The following ZFP14 variants were observed in gnomAD, a reference collection of about 807,000 sequenced individuals.
The protein encoded by ZFP14 is zinc finger protein 14 homolog.
In ZFP14, 22 loss-of-function variants were observed where a neutral mutation model predicts 54.5. That is an observed-to-expected ratio of 0.40 (90% CI 0.29 to 0.58). The LOEUF (loss-of-function observed/expected upper bound fraction) is 0.58. Among genes scored for constraint, ZFP14 ranks in the 20% least tolerant of loss-of-function variants. The probability of loss-of-function intolerance (pLI) is 0.39; values close to 1 mark genes in which losing one functional copy is unlikely to be tolerated. For missense variants in ZFP14, 470 were observed against 637.8 expected, an observed-to-expected ratio of 0.74 and a Z score of 2.83; for synonymous variants, 159 against 204.0, an observed-to-expected ratio of 0.78 and a Z score of 1.88.
intron 4 of ZFP14, among the ~76,000 whole-genome samples, chr19:36,359,179 G>A (rs2031668753): frequency 6.6e-6 from 1 of 151,370 alleles, no homozygotes; most frequent in Non-Finnish European, 1.5e-5. Context: ...ATGATCATAC[G>A]GTCTTTCATT....
At chr19:36,363,989 C>CA (rs371565202) in intron 2 of ZFP14, among the ~76,000 whole-genome samples, 9,597 of 124,638 alleles carry the variant, frequency 0.077, 398 homozygotes, top group Non-Finnish European at 0.11. Context: ...GACTCGGTCT[C>CA]AAAAAAAAAA....
chr19:36,349,230 TCAAAAAAAAAAA>T lies in ZFP14; in HGVS notation c.236-7652_236-7641del, dbSNP rs1482856457. Among the ~76,000 whole-genome samples, 9 of 14,656 alleles carry T rather than the reference TCAAAAAAAAAAA, an allele frequency of 6.1e-4. 2 individuals carry two copies. Among genetic ancestry groups the T allele is most frequent in the African/African-American group, 2.7e-3 (9 of 3,302 alleles). 9.6% of individuals were successfully genotyped at this position (14,656 alleles called of 152,430 possible). A position where few individuals can be genotyped will look rare whatever the true frequency, so the allele number is the denominator to read the frequency against. On this transcript the variant is annotated intron_variant, in intron 4 of 4. Coordinates refer to ENST00000270001, the MANE Select transcript of ZFP14 (RefSeq NM_020917.3). ...TGGGCTATAAGAGGGGAACTCTGTC[TCAAAAAAAAAAA>T]CAAAAAAAAAAAAACAAAAAAAAAA...
At position 36,340,531 on chromosome 19, in the gene ZFP14, G is replaced by T; in HGVS notation, c.1295C>A (p.Ala432Asp). The T allele has an allele frequency of 6.2e-7, 1 of 1,614,126 alleles. No individual in the cohort carries two copies. ...AGTAAGTTGTGAGAGCAGTCTAAAGGCCTTTCCACACTCTTCACATTCATA... is the reference window on the plus strand; with the variant it reads ...AGTAAGTTGTGAGAGCAGTCTAAAGTCCTTTCCACACTCTTCACATTCATA... ...RPYECEECGK[A>D]FRLLSQLTQH... The change falls in exon 5 of 5, where the codon GCC becomes GAC. Residue 432 changes from alanine to aspartate, a missense_variant. Physicochemically the swap from Ala to Asp is moderately radical, Grantham distance 126 (BLOSUM62 -2). Transcript: ENST00000270001. The surrounding 1 kb of genome is among the most constrained non-coding windows in gnomAD (Gnocchi z 5.4).
intron 1 of ZFP14, among the ~76,000 whole-genome samples, chr19:36,372,972 G>A (rs2031902601): frequency 6.6e-6 from 1 of 152,164 alleles, no homozygotes; most frequent in Non-Finnish European, 1.5e-5. Context: ...TCATTCATAA[G>A]TGGAATCTTA....
At chr19:36,369,983 C>G (rs1198510896) in intron 1 of ZFP14, among the ~76,000 whole-genome samples, 1 of 152,146 alleles carries the variant, frequency 6.6e-6, no homozygotes, top group Non-Finnish European at 1.5e-5. Context: ...TATAGTTGGG[C>G]ACCACCATGC....
At chr19:36,348,882 AT>A (rs567162694) in intron 4 of ZFP14, among the ~76,000 whole-genome samples, 1 of 151,828 alleles carries the variant, frequency 6.6e-6, no homozygotes, top group African/African-American at 2.4e-5. Context: ...GCTGGCTTGT[AT>A]TTTTTTTATC....
chr19:36,363,189 C>CTTTTTTTTTTTT (rs772799449), intron 2 of ZFP14, among the ~76,000 whole-genome samples: 9 of 97,750 alleles, frequency 9.2e-5, no homozygotes, highest in East Asian at 2.9e-4. Context: ...CTTTTCTTTT[C>CTTTTTTTTTTTT]TTTTTTTTTT....
chr19:36,361,404 T>C (rs2031708572), intron 3 of ZFP14, among the ~76,000 whole-genome samples: 1 of 151,944 alleles, frequency 6.6e-6, no homozygotes, highest in African/African-American at 2.4e-5. Context: ...CATGCCTGGC[T>C]AATTTTTGTA....
intron 4 of ZFP14, 37 bp downstream of exon 4, chr19:36,360,398 G>A (rs376644726): frequency 1.9e-6 from 3 of 1,583,566 alleles, no homozygotes; most frequent in African/African-American, 2.7e-5. Flanking sequence ...ATTACCTGCA[G>A]TAGTGATTTC....
intron 4 of ZFP14, among the ~76,000 whole-genome samples, chr19:36,347,237 ATAAC>A (rs1466505493): frequency 1.6e-4 from 25 of 152,346 alleles, no homozygotes; most frequent in Admixed American, 1.6e-3. Context: ...ACACATGTAA[ATAAC>A]TAACAAAACA....
Position 36,353,115 on chromosome 19 carries a change from T to G in ZFP14, c.235+7320A>C, listed in dbSNP as rs1160476327. Among the ~76,000 whole-genome samples, 4 of 140,618 alleles carry G rather than the reference T, an allele frequency of 2.8e-5. 1 individual carries two copies. Among genetic ancestry groups the G allele is most frequent in the African/African-American group, 1.0e-4 (4 of 38,250 alleles). 92.3% of individuals were successfully genotyped at this position (140,618 alleles called of 152,430 possible). A position where few individuals can be genotyped will look rare whatever the true frequency, so the allele number is the denominator to read the frequency against. ...TATCTCGAAGAAAAAAAAAAGATCT[T>G]CCTTACCCACACTGGGGATGGGATG... On this transcript the variant is annotated intron_variant, in intron 4 of 4. Coordinates refer to ENST00000270001, the MANE Select transcript of ZFP14 (RefSeq NM_020917.3).
chr19:36,363,500 T>C (rs1036773714), intron 2 of ZFP14, among the ~76,000 whole-genome samples: 3 of 151,340 alleles, frequency 2.0e-5, no homozygotes, highest in Non-Finnish European at 4.4e-5. Flanking sequence ...CGGCCCCCTG[T>C]ATCAATCATT....
At chr19:36,343,790 A>G (rs565006427) in intron 4 of ZFP14, among the ~76,000 whole-genome samples, 31 of 152,220 alleles carry the variant, frequency 2.0e-4, no homozygotes, top group Non-Finnish European at 3.1e-4. Context: ...CAGACCATCA[A>G]TGGGTAATGG....
chr19:36,343,364 A>G (rs369890219), intron 4 of ZFP14, among the ~76,000 whole-genome samples: 1 of 151,450 alleles, frequency 6.6e-6, no homozygotes, highest in South Asian at 2.1e-4. Flanking sequence ...CTCTCTGTTC[A>G]TAGCATACTG....
chr19:36,362,336 G>T, intron 2 of ZFP14, 98 bp from the exon 3 acceptor site: 1 of 1,314,906 alleles, frequency 7.6e-7, no homozygotes, highest in Non-Finnish European at 1.0e-6. Context: ...AGAGGGGTCA[G>T]ATAGCATGCA....
intron 4 of ZFP14, among the ~76,000 whole-genome samples, chr19:36,343,989 T>TC: frequency 1.3e-5 from 2 of 151,832 alleles, no homozygotes; most frequent in Middle Eastern, 3.4e-3. Context: ...AACCACACTC[T>TC]CTTAGCACAC....
intron 4 of ZFP14, among the ~76,000 whole-genome samples, chr19:36,342,430 G>A (rs571423970): frequency 4.6e-5 from 7 of 151,238 alleles, no homozygotes; most frequent in African/African-American, 1.2e-4. Flanking sequence ...CAGGTGATCC[G>A]CCCGCCTCAG....
chr19:36,379,039 A>T (rs1360473339), intron 1 of ZFP14, 124 bp downstream of exon 1: 1 of 152,462 alleles, frequency 6.6e-6, no homozygotes, highest in Non-Finnish European at 1.5e-5. Flanking sequence ...AGGACGCAAC[A>T]GGGCACCCGG....
At chr19:36,342,845 C>G (rs565154607) in intron 4 of ZFP14, among the ~76,000 whole-genome samples, 2 of 152,300 alleles carry the variant, frequency 1.3e-5, no homozygotes, top group African/African-American at 4.8e-5. Flanking sequence ...CTTTGTCTTT[C>G]CTACTGAACA....
Sources: gnomAD v4.1 joint callset for allele counts (sites outside exome capture counted in the v4.1 genomes callset) on GRCh38, gnomAD v4.1.1 for gene constraint, Gnocchi (gnomAD v3.1) non-coding constraint, MANE v1.5 for transcripts, NCBI Gene and HGNC (gene_info 2026-07-23, HGNC 2026-07-21) for gene names.